Variants in NUP155 observed in about 807,000 individuals in gnomAD.
The protein encoded by NUP155 is nucleoporin 155.
NUP155 carries 71 observed loss-of-function variants against 180.4 expected under a neutral mutation model. The ratio of observed to expected loss-of-function variants is 0.39; its 90% CI spans 0.33 to 0.48. The LOEUF (loss-of-function observed/expected upper bound fraction) is 0.48. Among genes scored for constraint, NUP155 ranks in the 20% least tolerant of loss-of-function variants. The pLI is 0.91. For missense variants in NUP155, 1,553 were observed against 1,648.9 expected, an observed-to-expected ratio of 0.94 and a Z score of 1.01; for synonymous variants, 582 against 559.5, an observed-to-expected ratio of 1.04 and a Z score of -0.57.
At chr5:37,312,598 A>G (rs1276028717) in intron 22 of NUP155, among the ~76,000 whole-genome samples, 1 of 152,226 alleles carries the variant, frequency 6.6e-6, no homozygotes, top group Admixed American at 6.5e-5. Context: ...AGATTTTGCT[A>G]TCAAATATTG....
intron 31 of NUP155, 62 bp from the exon 32 acceptor site, chr5:37,299,040 G>C (rs1202428825): frequency 1.1e-6 from 1 of 910,922 alleles, no homozygotes; most frequent in Non-Finnish European, 1.8e-6. Flanking sequence ...TGTTTACATT[G>C]GTTATTTAAT....
chr5:37,310,998 A>C (rs1244064113), intron 22 of NUP155, among the ~76,000 whole-genome samples: 1 of 152,176 alleles, frequency 6.6e-6, no homozygotes, highest in African/African-American at 2.4e-5. Context: ...TAGAGCCAAA[A>C]CTAGAGTCAG....
At chr5:37,294,211 C>G (rs1581123943) in intron 33 of NUP155, 118 bp downstream of exon 33, 1 of 687,700 alleles carries the variant, frequency 1.5e-6, no homozygotes, top group East Asian at 2.8e-5. Context: ...AAGACTCAAC[C>G]AAGTGTAATT....
chr5:37,303,783 A>C (rs1742994527), intron 27 of NUP155, among the ~76,000 whole-genome samples: 1 of 147,918 alleles, frequency 6.8e-6, no homozygotes, highest in Non-Finnish European at 1.5e-5. Context: ...CCTCGTCTCT[A>C]CAAAAAAATT....
intron 32 of NUP155, among the ~76,000 whole-genome samples, chr5:37,297,379 G>GTTAT (rs145514776): frequency 0.028 from 4,319 of 151,996 alleles, 216 homozygotes; most frequent in African/African-American, 0.098. Context: ...ACAATACAGT[G>GTTAT]TTATTTATTT....
intron 20 of NUP155, among the ~76,000 whole-genome samples, chr5:37,322,161 G>C (rs964806866): frequency 5.3e-5 from 8 of 151,956 alleles, no homozygotes; most frequent in African/African-American, 1.7e-4. Context: ...GCCTATTTAT[G>C]TGTTTTTGTA....
chr5:37,305,308 G>T, intron 25 of NUP155, 98 bp from the exon 26 acceptor site: 1 of 1,066,488 alleles, frequency 9.4e-7, no homozygotes, highest in Non-Finnish European at 1.4e-6. Flanking sequence ...CCATAGGGAA[G>T]TCAAGGTAGG....
intron 18 of NUP155, chr5:37,327,341 A>G: frequency 2.5e-6 from 1 of 396,004 alleles, no homozygotes; most frequent in Non-Finnish European, 4.7e-6. Flanking sequence ...TTTTGACTAC[A>G]TGAAGGTTGA....
In NUP155 at chr5:37,292,038, C is replaced by T. The variant is rs147310747; in HGVS notation, c.4038G>A (p.Arg1346=). Reference sequence around the variant, plus strand: ...CCAGGCAGAGATTTGTAAATCTTCTCCTACAACGAAAAAGACACATGATTA... The same window carrying T: ...CCAGGCAGAGATTTGTAAATCTTCTTCTACAACGAAAAAGACACATGATTA... ...ENPSQVLNCE[R]RRFTNLCLDA... Residue 1346 remains arginine (R), a splice_region_variant and synonymous_variant, in exon 35 of 35, where the codon AGG becomes AGA. Transcript: ENST00000231498. 1.9e-5 allele frequency: 31 copies of T among 1,613,966 alleles called. No homozygotes were observed. In the African/African-American group the frequency reaches 4.0e-4, roughly 21 times the overall value.
At chr5:37,302,717 A>G in intron 29 of NUP155, 62 bp downstream of exon 29, 1 of 1,554,452 alleles carries the variant, frequency 6.4e-7, no homozygotes, top group South Asian at 1.1e-5. Flanking sequence ...GAAGAATGGA[A>G]TGTGGAATAA....
chr5:37,351,382 A>G (rs1331792485), intron 5 of NUP155, 26 bp from the exon 6 acceptor site: 3 of 1,514,030 alleles, frequency 2.0e-6, no homozygotes, highest in African/African-American at 2.7e-5. Flanking sequence ...TACATAAATC[A>G]GTTTATTAGC....
intron 29 of NUP155, among the ~76,000 whole-genome samples, chr5:37,301,826 G>T (rs1041594776): frequency 1.3e-5 from 2 of 152,178 alleles, no homozygotes; most frequent in Non-Finnish European, 2.9e-5. Context: ...CCTCTGTAGG[G>T]GAGGTATGGC....
chr5:37,329,972 T>G lies in NUP155; in HGVS notation c.1724+66A>C. 3.5e-6 allele frequency: 4 copies of G among 1,149,510 alleles called. No individual in the cohort carries two copies. The South Asian group carries it at 5.2e-5, about 15-fold the overall frequency. The allele number at this position is 1,149,510 out of a possible 1,614,324, so 71.2% of individuals were successfully genotyped here. ...GTTTGGCAAGGCTTTATCACATTGA[T>G]AAAATCATTTTAAAAAGTGGCCCAG... On this transcript the variant is annotated intron_variant, in intron 15 of 34. Transcript: ENST00000231498.
intron 14 of NUP155, among the ~76,000 whole-genome samples, 176 bp from the exon 15 acceptor site, chr5:37,330,308 A>G (rs1744874419): frequency 6.6e-6 from 1 of 152,252 alleles, no homozygotes; most frequent in Admixed American, 6.5e-5. Context: ...ACTGGTTTTA[A>G]GTTCATCATA....
intron 21 of NUP155, among the ~76,000 whole-genome samples, chr5:37,316,032 C>T (rs1743862282): frequency 1.3e-5 from 2 of 152,124 alleles, no homozygotes; most frequent in African/African-American, 4.8e-5. Context: ...ATAGAATTAC[C>T]ATATGATATA....
At chr5:37,360,176 G>A (rs1747105487) in intron 3 of NUP155, among the ~76,000 whole-genome samples, 1 of 151,946 alleles carries the variant, frequency 6.6e-6, no homozygotes, top group South Asian at 2.1e-4. Flanking sequence ...TCGACAAAAA[G>A]ATAAAAATTA....
At chr5:37,319,788 T>G (rs933729202) in intron 20 of NUP155, among the ~76,000 whole-genome samples, 2 of 152,076 alleles carry the variant, frequency 1.3e-5, no homozygotes, top group African/African-American at 4.8e-5. Context: ...GGAGGATCAC[T>G]TGAAGCTGGG....
At chr5:37,341,313 A>G in intron 10 of NUP155, 71 bp from the exon 11 acceptor site, 1 of 1,267,970 alleles carries the variant, frequency 7.9e-7, no homozygotes, top group Middle Eastern at 1.9e-4. Context: ...TATTGAAGCA[A>G]TTACATACAG....
chr5:37,370,641 G>T (rs1359686651), intron 1 of NUP155, 180 bp downstream of exon 1: 11 of 1,550,294 alleles, frequency 7.1e-6, no homozygotes, highest in Non-Finnish European at 9.5e-6. Flanking sequence ...TATCTACAAT[G>T]AAGAAAGTGA....
Sources: gnomAD v4.1 joint callset for allele counts (sites outside exome capture counted in the v4.1 genomes callset) on GRCh38, gnomAD v4.1.1 for gene constraint, MANE v1.5 for transcripts, NCBI Gene and HGNC (gene_info 2026-07-23, HGNC 2026-07-21) for gene names.